The following ESF1 variants were observed in gnomAD, a reference collection of about 807,000 sequenced individuals.
ESF1 encodes ESF1 homolog.
ESF1 carries 58 observed loss-of-function variants against 92.0 expected under a neutral mutation model. The ratio of observed to expected loss-of-function variants is 0.63; its 90% CI spans 0.51 to 0.78. The LOEUF (loss-of-function observed/expected upper bound fraction) is 0.78, where lower values mean the gene tolerates loss of function less well. Among genes scored for constraint, ESF1 ranks in the 30% least tolerant of loss-of-function variants. ESF1 has a pLI of 0.00. For synonymous variants in ESF1, 321 were observed against 313.7 expected, an observed-to-expected ratio of 1.02 and a Z score of -0.24; for missense variants, 922 against 989.1, an observed-to-expected ratio of 0.93 and a Z score of 0.91.
At chr20:13,768,833 G>A (rs1194861948) in intron 7 of ESF1, among the ~76,000 whole-genome samples, 1 of 147,664 alleles carries the variant, frequency 6.8e-6, no homozygotes, top group Non-Finnish European at 1.5e-5. Flanking sequence ...GAAGGCAGAG[G>A]TTGCAGTGAG....
chr20:13,751,031 G>A (rs566883468), intron 9 of ESF1, among the ~76,000 whole-genome samples: 16 of 152,210 alleles, frequency 1.1e-4, no homozygotes, highest in Non-Finnish European at 2.4e-4. Context: ...ACTCAAAAAC[G>A]TATCTGTGAG....
chr20:13,716,583 A>AAAAGAC (rs2049826467), intron 13 of ESF1, among the ~76,000 whole-genome samples: 1 of 152,100 alleles, frequency 6.6e-6, no homozygotes, highest in Non-Finnish European at 1.5e-5. Flanking sequence ...GTGCTGGATT[A>AAAAGAC]AAAGACAGTA....
intron 11 of ESF1, among the ~76,000 whole-genome samples, chr20:13,722,883 A>T (rs1283971789): frequency 6.6e-6 from 1 of 152,034 alleles, no homozygotes; most frequent in Non-Finnish European, 1.5e-5. Context: ...AAGAAACTAC[A>T]TCTCCTGGGA....
At chr20:13,761,509 C>A (rs1229031624) in intron 8 of ESF1, among the ~76,000 whole-genome samples, 1 of 151,550 alleles carries the variant, frequency 6.6e-6, no homozygotes, top group Admixed American at 6.6e-5. Context: ...TAAATGTAGG[C>A]TGAATATTGT....
chr20:13,728,267 A>G (rs2049915245), intron 11 of ESF1, 111 bp downstream of exon 11: 10 of 747,878 alleles, frequency 1.3e-5, no homozygotes, highest in Non-Finnish European at 2.2e-5. Context: ...TCACTAAGGG[A>G]GCTACACAAA....
chr20:13,719,310 G>A (rs749391245), intron 11 of ESF1, among the ~76,000 whole-genome samples: 4 of 151,956 alleles, frequency 2.6e-5, no homozygotes, highest in Admixed American at 6.6e-5. Flanking sequence ...TAAGAATACT[G>A]ATTAACATTC....
chr20:13,715,497 G>T (rs961934530), intron 13 of ESF1, among the ~76,000 whole-genome samples: 5 of 152,100 alleles, frequency 3.3e-5, no homozygotes, highest in Non-Finnish European at 4.4e-5. Context: ...GTGAGGCAGG[G>T]CTTTCCCATG....
At chr20:13,739,928 C>T (rs1005069218) in intron 9 of ESF1, among the ~76,000 whole-genome samples, 5 of 152,108 alleles carry the variant, frequency 3.3e-5, no homozygotes, top group South Asian at 2.1e-4. Flanking sequence ...AGCCAAGATG[C>T]TTAAGGGTGC....
intron 10 of ESF1, among the ~76,000 whole-genome samples, chr20:13,728,815 C>G (rs372886464): frequency 4.0e-5 from 6 of 151,068 alleles, no homozygotes; most frequent in African/African-American, 1.5e-4. Context: ...TGTGGTGAGC[C>G]GAGATCGTGC....
intron 11 of ESF1, among the ~76,000 whole-genome samples, chr20:13,725,153 TATCTGCTCATGCAGATTATCTGTGC>T: frequency 6.6e-6 from 1 of 152,354 alleles, no homozygotes; most frequent in Middle Eastern, 3.4e-3. Context: ...GTCCCTACCC[TATCTGCTCATGCAGATTATCTGTGC>T]TTCTGCAAGT....
At position 13,721,671 on chromosome 20, in the gene ESF1, G is replaced by A. The variant is rs1239007405; in HGVS notation, c.2039-2687C>T. Among the ~76,000 whole-genome samples, 9 of 152,160 alleles carry A rather than the reference G, an allele frequency of 5.9e-5. No homozygotes were observed. The South Asian group carries it at 8.3e-4, about 14-fold the overall frequency. ...TCCTCTGTGTGTATTAAGTCCCTGC[G>A]AATACTCTTGCACACCTGTCCAGTA... On this transcript the variant is annotated intron_variant, in intron 11 of 13. Coordinates refer to ENST00000617257, the MANE Select transcript of ESF1 (RefSeq NM_001276380.2).
chr20:13,771,232 T>C, intron 6 of ESF1, 99 bp downstream of exon 6: 1 of 1,187,044 alleles, frequency 8.4e-7, no homozygotes, highest in Non-Finnish European at 1.2e-6. Flanking sequence ...AAAAATCATT[T>C]TAGAATATAA....
At chr20:13,715,320 T>C (rs2049817224) in intron 13 of ESF1, among the ~76,000 whole-genome samples, 153 bp from the exon 14 acceptor site, 1 of 152,188 alleles carries the variant, frequency 6.6e-6, no homozygotes, top group South Asian at 2.1e-4. Context: ...GAAACTGTTT[T>C]TCCATAGCTC....
intron 9 of ESF1, among the ~76,000 whole-genome samples, chr20:13,743,136 G>T (rs559760136): frequency 6.6e-6 from 1 of 152,234 alleles, no homozygotes; most frequent in South Asian, 2.1e-4. Flanking sequence ...TGGCCAACAG[G>T]TATATGAAAA....
intron 11 of ESF1, 55 bp downstream of exon 11, chr20:13,728,323 A>G: frequency 1.5e-6 from 2 of 1,348,498 alleles, no homozygotes; most frequent in Non-Finnish European, 2.1e-6. Flanking sequence ...GCTTCCATGT[A>G]CCTCACCTTT....
chr20:13,749,548 A>G (rs1302247555), intron 9 of ESF1, among the ~76,000 whole-genome samples: 1 of 151,780 alleles, frequency 6.6e-6, no homozygotes, highest in African/African-American at 2.4e-5. Context: ...GGGTAGATTG[A>G]GCAAGGATAT....
chr20:13,763,890 C>T (rs896102138), intron 8 of ESF1, among the ~76,000 whole-genome samples: 4 of 152,082 alleles, frequency 2.6e-5, no homozygotes, highest in Non-Finnish European at 5.9e-5. Context: ...AACAAAGAAA[C>T]CAGAATGATT....
chr20:13,776,015 C>A lies in ESF1; in HGVS notation c.893G>T (p.Ser298Ile). 1.2e-6 allele frequency: 2 copies of A among 1,613,962 alleles called. No homozygotes were observed. Among genetic ancestry groups the A allele is most frequent in the Non-Finnish European group, 8.5e-7 (1 of 1,179,934 alleles). ...TTTACCCCTTGCAAGATCAGGGCCA[C>A]TGTCACTTTTATCATCATCCTCACT... Reference protein sequence around the residue: ...EDSEDDDKSDSGPDLARGKGN... With the variant: ...EDSEDDDKSDIGPDLARGKGN... Residue 298 changes from serine (S) to isoleucine (I), a missense_variant, in exon 3 of 14, where the codon AGT (serine) becomes ATT (isoleucine). Physicochemically the swap from Ser to Ile is moderately radical, Grantham distance 142. Transcript: ENST00000617257.
rs755226158 is a variant in ESF1 at position 13,776,240 on chromosome 20, T to A, written c.668A>T (p.Asp223Val). The A allele has an allele frequency of 6.2e-7, 1 of 1,613,332 alleles. No homozygotes were observed. Among genetic ancestry groups the A allele is most frequent in the Admixed American group, 1.7e-5 (1 of 60,018 alleles). ...ACCATCTGTTGAGTTTTCATAACCA[T>A]CACTGTCTCTTGTCATTATGAGTTG... Reference protein sequence around the residue: ...VVQLIMTRDSDGYENSTDGEM... With the variant: ...VVQLIMTRDSVGYENSTDGEM... Residue 223 changes from aspartate to valine, a missense_variant, in exon 3 of 14, where the codon GAT becomes GTT. Physicochemically the swap from Asp to Val is radical, Grantham distance 152. Coordinates refer to ENST00000617257, the MANE Select transcript of ESF1 (RefSeq NM_001276380.2).
Sources: allele counts gnomAD v4.1 joint callset (sites outside exome capture counted in the v4.1 genomes callset), GRCh38; gene constraint gnomAD v4.1.1; transcripts MANE v1.5; gene names NCBI Gene and HGNC (gene_info 2026-07-23, HGNC 2026-07-21).